PTPRM: variants seen among roughly 807,000 people sequenced by gnomAD.
PTPRM encodes the protein protein tyrosine phosphatase receptor type M.
PTPRM carries 47 observed loss-of-function variants against 186.7 expected under a neutral mutation model. The observed-to-expected ratio is 0.25, with a 90% CI of 0.20 to 0.32. The LOEUF (loss-of-function observed/expected upper bound fraction) is 0.32. Among genes scored for constraint, PTPRM ranks in the 10% least tolerant of loss-of-function variants. PTPRM has a pLI of 1.00. For missense variants in PTPRM, 1,494 were observed against 1,865.0 expected, an observed-to-expected ratio of 0.80 and a Z score of 3.66; for synonymous variants, 668 against 674.9, an observed-to-expected ratio of 0.99 and a Z score of 0.16.
rs574343759 is a variant in PTPRM at position 7,750,283 on chromosome 18, A to T, written c.74-23866A>T. 3.3e-5 allele frequency among the ~76,000 whole-genome samples: 5 copies of T among 152,354 alleles called. No individual in the cohort carries two copies. The South Asian group carries it at 1.0e-3, about 32-fold the overall frequency. Reference sequence around the variant, plus strand: ...TGTTGTTTCATTTGTTTTAAAAAAAAGAACACTCAAGTGATTTCTAAGCCT... The same window carrying T: ...TGTTGTTTCATTTGTTTTAAAAAAATGAACACTCAAGTGATTTCTAAGCCT... On this transcript the variant is annotated intron_variant, in intron 1 of 32. Coordinates refer to ENST00000580170, the MANE Select transcript of PTPRM (RefSeq NM_001105244.2).
At chr18:7,873,622 G>A (rs112053139) in intron 2 of PTPRM, among the ~76,000 whole-genome samples, 5,275 of 152,248 alleles carry the variant, frequency 0.035, 306 homozygotes, top group African/African-American at 0.12. Flanking sequence ...AGGAGGGAGT[G>A]GGGGAAGTCA....
At chr18:8,257,839 T>C (rs2147452052) in intron 19 of PTPRM, among the ~76,000 whole-genome samples, 1 of 152,314 alleles carries the variant, frequency 6.6e-6, no homozygotes, top group Admixed American at 6.5e-5. Context: ...AATTCTTCTT[T>C]ATCGTTTTCA....
At chr18:7,774,820 C>T (rs944669924) in intron 2 of PTPRM, among the ~76,000 whole-genome samples, 29 of 152,280 alleles carry the variant, frequency 1.9e-4, no homozygotes, top group African/African-American at 6.0e-4. Flanking sequence ...CCACTGAACA[C>T]CAAAAAGAAT....
chr18:7,572,700 T>G (rs946097696), intron 1 of PTPRM, among the ~76,000 whole-genome samples: 1 of 152,192 alleles, frequency 6.6e-6, no homozygotes, highest in African/African-American at 2.4e-5. Flanking sequence ...GCATTTTACT[T>G]TAGTTCTGAG....
At chr18:8,258,305 C>T (rs188004170) in intron 19 of PTPRM, among the ~76,000 whole-genome samples, 8 of 152,260 alleles carry the variant, frequency 5.3e-5, no homozygotes, top group Admixed American at 2.6e-4. Flanking sequence ...GCTTCACTCA[C>T]GAGGGACAGA....
intron 11 of PTPRM, among the ~76,000 whole-genome samples, chr18:8,094,358 C>A (rs2090909601): frequency 6.6e-6 from 1 of 151,040 alleles, no homozygotes; most frequent in Non-Finnish European, 1.5e-5. Flanking sequence ...CTGAGCCAGA[C>A]CCTGTCTCAA....
chr18:7,672,226 C>T (rs2144496041), intron 1 of PTPRM, among the ~76,000 whole-genome samples: 1 of 152,036 alleles, frequency 6.6e-6, no homozygotes, highest in East Asian at 1.9e-4. Flanking sequence ...TGAAGTTTAG[C>T]AAAAACAATA....
intron 4 of PTPRM, 89 bp downstream of exon 4, chr18:7,906,672 G>T: frequency 2.8e-6 from 3 of 1,089,060 alleles, no homozygotes; most frequent in Non-Finnish European, 4.2e-6. Context: ...AACCTGTGAA[G>T]AGGTCATCTT....
intron 2 of PTPRM, among the ~76,000 whole-genome samples, chr18:7,778,592 G>A (rs1045292156): frequency 6.6e-6 from 1 of 152,048 alleles, no homozygotes; most frequent in Admixed American, 6.6e-5. Flanking sequence ...CGATTCTCCT[G>A]CCTCAGCCTC....
chr18:7,726,910 G>A (rs1278172434), intron 1 of PTPRM, among the ~76,000 whole-genome samples: 3 of 152,182 alleles, frequency 2.0e-5, no homozygotes, highest in African/African-American at 7.2e-5. Context: ...CAGAGAAAGT[G>A]CGTAAGTGAA....
chr18:7,629,033 A>T (rs940091336), intron 1 of PTPRM, among the ~76,000 whole-genome samples: 1 of 152,164 alleles, frequency 6.6e-6, no homozygotes, highest in Non-Finnish European at 1.5e-5. Context: ...CTTCACTGAG[A>T]AGTATCATGG....
At chr18:8,149,597 A>G (rs550084796) in intron 14 of PTPRM, among the ~76,000 whole-genome samples, 1 of 152,088 alleles carries the variant, frequency 6.6e-6, no homozygotes, top group Non-Finnish European at 1.5e-5. Flanking sequence ...TCTTGACTCT[A>G]TCCAATTTGC....
chr18:7,945,629 A>C (rs898055826), intron 5 of PTPRM, among the ~76,000 whole-genome samples: 1 of 152,206 alleles, frequency 6.6e-6, no homozygotes, highest in African/African-American at 2.4e-5. Context: ...AGACTAAGAC[A>C]TCCAGTCAGG....
intron 1 of PTPRM, among the ~76,000 whole-genome samples, chr18:7,621,431 G>C (rs1360593125): frequency 2.0e-5 from 3 of 151,944 alleles, no homozygotes; most frequent in African/African-American, 7.3e-5. Context: ...CCACAGAGTG[G>C]TGCATTGTTA....
At chr18:8,096,776 T>C (rs895407423) in intron 11 of PTPRM, among the ~76,000 whole-genome samples, 4 of 152,256 alleles carry the variant, frequency 2.6e-5, no homozygotes, top group Non-Finnish European at 4.4e-5. Flanking sequence ...TGATAGCCTT[T>C]CTTGGAGAGG....
At chr18:8,106,063 G>T (rs568531313) in intron 11 of PTPRM, among the ~76,000 whole-genome samples, 2 of 152,116 alleles carry the variant, frequency 1.3e-5, no homozygotes, top group Non-Finnish European at 2.9e-5. Flanking sequence ...CTCAGGCCTT[G>T]TGGGCGCCTA....
intron 10 of PTPRM, among the ~76,000 whole-genome samples, chr18:8,086,804 AGAATTT>A (rs1330581606): frequency 7.2e-5 from 11 of 152,304 alleles, no homozygotes; most frequent in South Asian, 2.1e-4. Flanking sequence ...GGGAGGGTTT[AGAATTT>A]TCTTTTTAAG....
intron 14 of PTPRM, among the ~76,000 whole-genome samples, chr18:8,178,310 C>G (rs1242874388): frequency 2.6e-5 from 4 of 152,174 alleles, no homozygotes; most frequent in African/African-American, 9.7e-5. Flanking sequence ...AATCTTTTAA[C>G]AGGTTTGCCG....
At position 8,298,226 on chromosome 18, in the gene PTPRM, C is replaced by T. The variant is rs532661986; in HGVS notation, c.2842+1771C>T. Among the ~76,000 whole-genome samples the T allele has an allele frequency of 5.9e-5, 9 of 152,292 alleles. No individual in the cohort carries two copies. In the South Asian group the frequency reaches 1.2e-3, roughly 21 times the overall value. Reference sequence around the variant, plus strand: ...TCTCTGGGAGCCCACTGAAGCTTTGCGCTGTTAGAAGAATTCAGATTTCTC... The same window carrying T: ...TCTCTGGGAGCCCACTGAAGCTTTGTGCTGTTAGAAGAATTCAGATTTCTC... On this transcript the variant is annotated intron_variant, in intron 20 of 32. Transcript: ENST00000580170.
Sources: gnomAD v4.1 joint callset for allele counts (sites outside exome capture counted in the v4.1 genomes callset) on GRCh38, gnomAD v4.1.1 for gene constraint, MANE v1.5 for transcripts, NCBI Gene and HGNC (gene_info 2026-07-23, HGNC 2026-07-21) for gene names.